The following GABRA2 variants were observed in gnomAD, a reference collection of about 807,000 sequenced individuals.
The protein encoded by GABRA2 is gamma-aminobutyric acid type A receptor subunit alpha2.
Under a neutral mutation model 48.7 loss-of-function variants are expected in GABRA2, and 16 were observed. That is an observed-to-expected ratio of 0.33 (90% CI 0.22 to 0.50). The LOEUF is 0.50. GABRA2 is among the 20% of genes least tolerant of loss of function. GABRA2 has a pLI of 0.98. For synonymous variants in GABRA2, 185 were observed against 184.5 expected (o/e 1.00, Z -0.02); for missense variants, 275 against 535.6 (o/e 0.51, Z 4.80).
In GABRA2 at chr4:46,315,615, A is replaced by G. The variant is rs183459827; in HGVS notation, c.256-2899T>C. 2.4e-3 allele frequency among the ~76,000 whole-genome samples: 371 copies of G among 152,038 alleles called. 1 individual carries two copies. The highest frequency in any genetic ancestry group is 4.0e-3 in the Non-Finnish European group (269 of 67,932). Reference sequence around the variant, plus strand: ...GCCAGCTCTCTTTGTATTTCTGTAGAGCCCTTCATTCTTTCAAGATCATCT... The same window carrying G: ...GCCAGCTCTCTTTGTATTTCTGTAGGGCCCTTCATTCTTTCAAGATCATCT... On this transcript the variant is annotated intron_variant, in intron 4 of 9. Transcript: ENST00000381620.
intron 4 of GABRA2, among the ~76,000 whole-genome samples, chr4:46,327,688 T>G (rs1172827230): frequency 6.6e-6 from 1 of 152,020 alleles, no homozygotes; most frequent in Non-Finnish European, 1.5e-5. Context: ...CTAATTAATA[T>G]CCCAGTAGCT....
chr4:46,302,104 T>C (rs1286651648), intron 8 of GABRA2, among the ~76,000 whole-genome samples: 1 of 151,992 alleles, frequency 6.6e-6, no homozygotes, highest in Non-Finnish European at 1.5e-5. Context: ...AGTCTTTCTC[T>C]GTCACTCAGG....
intron 4 of GABRA2, among the ~76,000 whole-genome samples, chr4:46,318,968 C>G (rs1229619510): frequency 6.6e-6 from 1 of 151,550 alleles, no homozygotes; most frequent in African/African-American, 2.4e-5. Flanking sequence ...TAGATAAATT[C>G]AATGAATTTC....
intron 3 of GABRA2, among the ~76,000 whole-genome samples, chr4:46,382,573 C>G (rs953806447): frequency 6.6e-6 from 1 of 152,122 alleles, no homozygotes; most frequent in Non-Finnish European, 1.5e-5. Flanking sequence ...AGGATCTGAG[C>G]AGTTGAGGGG....
chr4:46,346,096 G>A (rs531297842), intron 3 of GABRA2, among the ~76,000 whole-genome samples: 9 of 152,000 alleles, frequency 5.9e-5, no homozygotes, highest in Middle Eastern at 3.4e-3. Flanking sequence ...AAGACATTTC[G>A]CTTTCTGGGA....
At chr4:46,377,450 T>A in intron 3 of GABRA2, among the ~76,000 whole-genome samples, 1 of 147,244 alleles carries the variant, frequency 6.8e-6, no homozygotes, top group Admixed American at 6.9e-5. Context: ...GAGGAGACCC[T>A]CTGCCTGGCA....
chr4:46,300,339 A>G (rs1725520694), intron 8 of GABRA2, among the ~76,000 whole-genome samples: 1 of 151,954 alleles, frequency 6.6e-6, no homozygotes, highest in African/African-American at 2.4e-5. Context: ...GTTGAAATTA[A>G]CATCTTTTCC....
intron 8 of GABRA2, among the ~76,000 whole-genome samples, chr4:46,286,509 T>C (rs1022679874): frequency 6.6e-6 from 1 of 152,096 alleles, no homozygotes; most frequent in Non-Finnish European, 1.5e-5. Flanking sequence ...TGTCTAACTT[T>C]GTAAGGAGCC....
At chr4:46,262,237 C>T (rs1235316127) in intron 8 of GABRA2, 109 bp from the exon 9 acceptor site, 2 of 653,362 alleles carry the variant, frequency 3.1e-6, no homozygotes, top group African/African-American at 3.7e-5. Flanking sequence ...CTACTCTTAT[C>T]CACTAAATAA....
At chr4:46,261,020 AAGC>A (rs1478058016) in intron 9 of GABRA2, 3 of 151,942 alleles carry the variant, frequency 2.0e-5, no homozygotes. Context: ...TTAATAAAAG[AAGC>A]ATTTAGGTTG....
At chr4:46,329,325 C>T (rs1730937250) in intron 4 of GABRA2, among the ~76,000 whole-genome samples, 1 of 152,088 alleles carries the variant, frequency 6.6e-6, no homozygotes, top group African/African-American at 2.4e-5. Context: ...AATGTAGTCA[C>T]AAGAGAAGGG....
At chr4:46,388,194 A>T (rs1329901400) in intron 2 of GABRA2, among the ~76,000 whole-genome samples, 2 of 152,030 alleles carry the variant, frequency 1.3e-5, no homozygotes, top group Non-Finnish European at 2.9e-5. Context: ...TGGGTTTTCT[A>T]TGGTGACTAA....
intron 3 of GABRA2, among the ~76,000 whole-genome samples, chr4:46,360,885 G>T (rs1713070858): frequency 6.6e-6 from 1 of 152,200 alleles, no homozygotes; most frequent in Non-Finnish European, 1.5e-5. Flanking sequence ...TTATATTTTA[G>T]CAAAGACAGT....
At chr4:46,266,860 T>C (rs944428998) in intron 8 of GABRA2, among the ~76,000 whole-genome samples, 1 of 151,710 alleles carries the variant, frequency 6.6e-6, no homozygotes, top group African/African-American at 2.4e-5. Flanking sequence ...TAGTTGGGAT[T>C]ACAGGCATGC....
At chr4:46,383,580 A>G (rs369112602) in intron 3 of GABRA2, among the ~76,000 whole-genome samples, 19 of 152,232 alleles carry the variant, frequency 1.2e-4, no homozygotes, top group African/African-American at 4.6e-4. Context: ...TAAGGTAACA[A>G]GAGAAACATA....
chr4:46,346,405 TA>T (rs1005966077), intron 3 of GABRA2, among the ~76,000 whole-genome samples: 4 of 151,372 alleles, frequency 2.6e-5, no homozygotes, highest in Admixed American at 6.6e-5. Flanking sequence ...TTAAGAATAA[TA>T]AAAAAAACTC....
chr4:46,336,886 T>C (rs547739882), intron 3 of GABRA2, among the ~76,000 whole-genome samples: 22 of 152,200 alleles, frequency 1.4e-4, no homozygotes, highest in African/African-American at 3.6e-4. Context: ...ATAGAAAAAA[T>C]AAATGGCCTG....
chr4:46,375,605 C>T (rs1339092423), intron 3 of GABRA2, among the ~76,000 whole-genome samples: 1 of 152,186 alleles, frequency 6.6e-6, no homozygotes, highest in African/African-American at 2.4e-5. Flanking sequence ...GCCTTACACT[C>T]TTCTGTAGAT....
rs924157315 is a variant in GABRA2, at chr4:46,247,046, G to T, written c.*3262C>A. 6.6e-6 allele frequency among the ~76,000 whole-genome samples: 1 copy of T among 150,948 alleles called. No homozygotes were observed. The highest frequency in any genetic ancestry group is 2.4e-5 in the African/African-American group (1 of 41,244). ...TAATGAGAGTAAAATAATAGATTCT[G>T]GGTTGTTTTTAAAAATAAACTATGA... On this transcript the variant is annotated 3_prime_UTR_variant, in exon 10 of 10. Coordinates refer to ENST00000381620, the MANE Select transcript of GABRA2 (RefSeq NM_000807.4).
Sources: allele counts gnomAD v4.1 joint callset (sites outside exome capture counted in the v4.1 genomes callset), GRCh38; gene constraint gnomAD v4.1.1; transcripts MANE v1.5; gene names NCBI Gene and HGNC (gene_info 2026-07-23, HGNC 2026-07-21).